HACD2: variants seen among roughly 807,000 people sequenced by gnomAD.
HACD2 encodes the protein 3-hydroxyacyl-CoA dehydratase 2, also known as very-long-chain (3R)-3-hydroxyacyl-CoA dehydratase 2.
In HACD2, 15 loss-of-function variants were observed where a neutral mutation model predicts 31.0. The observed-to-expected ratio is 0.48, with a 90% CI of 0.32 to 0.75. The LOEUF is 0.75. Ranked by LOEUF, HACD2 falls within the 30% of genes least tolerant of loss-of-function variation. The pLI is 0.03. For missense variants in HACD2, 283 were observed against 313.0 expected (o/e 0.90, Z 0.72); for synonymous variants, 115 against 122.2 (o/e 0.94, Z 0.39).
At chr3:123,520,537 T>C (rs774537485) in intron 4 of HACD2, among the ~76,000 whole-genome samples, 4 of 152,352 alleles carry the variant, frequency 2.6e-5, no homozygotes, top group Non-Finnish European at 5.9e-5. Flanking sequence ...AGAATGCAGA[T>C]ACACAGAACA....
chr3:123,535,469 A>G (rs2056414005), intron 3 of HACD2, among the ~76,000 whole-genome samples: 1 of 152,256 alleles, frequency 6.6e-6, no homozygotes, highest in South Asian at 2.1e-4. Flanking sequence ...AGCAGCAACC[A>G]AAAAGCAATA....
intron 1 of HACD2, among the ~76,000 whole-genome samples, chr3:123,583,566 G>A (rs945666121): frequency 4.6e-5 from 7 of 152,034 alleles, no homozygotes; most frequent in African/African-American, 1.7e-4. Flanking sequence ...ATGATCTCAT[G>A]CAAGTCACAA....
chr3:123,569,712 G>C (rs1162783691), intron 2 of HACD2, among the ~76,000 whole-genome samples: 2 of 152,046 alleles, frequency 1.3e-5, no homozygotes, highest in East Asian at 3.9e-4. Flanking sequence ...GACTGGCCAG[G>C]CATGGTGGCT....
intron 3 of HACD2, among the ~76,000 whole-genome samples, chr3:123,548,765 GGT>G (rs1252748994): frequency 6.6e-6 from 1 of 151,740 alleles, no homozygotes; most frequent in Non-Finnish European, 1.5e-5. Context: ...TGGAACCACA[GGT>G]GTGTGTCACC....
At chr3:123,557,742 C>T (rs922918915) in intron 3 of HACD2, among the ~76,000 whole-genome samples, 5 of 152,306 alleles carry the variant, frequency 3.3e-5, no homozygotes, top group African/African-American at 1.2e-4. Flanking sequence ...CCACTACACA[C>T]CTATTAGAAG....
At chr3:123,516,093 A>G (rs931677690) in intron 4 of HACD2, among the ~76,000 whole-genome samples, 2 of 152,114 alleles carry the variant, frequency 1.3e-5, no homozygotes, top group Non-Finnish European at 2.9e-5. Context: ...AATTTTATGT[A>G]TAAAGTGTCC....
At chr3:123,575,040 A>G (rs2107756439) in intron 2 of HACD2, among the ~76,000 whole-genome samples, 1 of 152,310 alleles carries the variant, frequency 6.6e-6, no homozygotes, top group Middle Eastern at 3.4e-3. Flanking sequence ...ACCGTGGTCT[A>G]AAGGCTTATA....
chr3:123,561,266 G>A (rs566152878), intron 3 of HACD2, among the ~76,000 whole-genome samples: 1 of 152,202 alleles, frequency 6.6e-6, no homozygotes, highest in Non-Finnish European at 1.5e-5. Flanking sequence ...TGAATATTAA[G>A]GTGATTATGA....
intron 3 of HACD2, among the ~76,000 whole-genome samples, chr3:123,559,909 T>A (rs1436875067): frequency 6.6e-6 from 1 of 152,190 alleles, no homozygotes; most frequent in African/African-American, 2.4e-5. Flanking sequence ...CCAGGTGGTG[T>A]ATACCTGGGT....
chr3:123,536,864 C>T (rs548188599), intron 3 of HACD2, among the ~76,000 whole-genome samples: 1 of 152,224 alleles, frequency 6.6e-6, no homozygotes, highest in South Asian at 2.1e-4. Context: ...TTCAATACTA[C>T]AATAAGGCAA....
intron 3 of HACD2, among the ~76,000 whole-genome samples, chr3:123,538,047 G>A (rs1412084647): frequency 6.6e-6 from 1 of 152,128 alleles, no homozygotes; most frequent in Non-Finnish European, 1.5e-5. Context: ...GAGAAGGATG[G>A]GATATAAAAC....
intron 5 of HACD2, among the ~76,000 whole-genome samples, chr3:123,502,286 G>A (rs561108934): frequency 6.6e-6 from 1 of 150,570 alleles, no homozygotes; most frequent in East Asian, 1.9e-4. Context: ...ACTTGGTGAT[G>A]AAATTTTTTA....
chr3:123,502,908 G>C (rs1480490868), intron 4 of HACD2: 1 of 460,162 alleles, frequency 2.2e-6, no homozygotes, highest in Non-Finnish European at 3.9e-6. Context: ...CACCAGGAGT[G>C]AGAGCAGCAG....
At chr3:123,580,912 G>C (rs1371439442) in intron 2 of HACD2, among the ~76,000 whole-genome samples, 1 of 141,462 alleles carries the variant, frequency 7.1e-6, no homozygotes, top group Non-Finnish European at 1.5e-5. Flanking sequence ...CTGGAGTACA[G>C]TGGCGTGATC....
chr3:123,529,931 T>C (rs1439073401), intron 3 of HACD2, among the ~76,000 whole-genome samples: 3 of 152,058 alleles, frequency 2.0e-5, no homozygotes, highest in Non-Finnish European at 2.9e-5. Context: ...AAAAATATAT[T>C]GAAGATGGAA....
Position 123,584,992 on chromosome 3 carries a change from C to G in HACD2, c.36G>C (p.Gly12=). 1 of 1,512,740 alleles carries G rather than the reference C, an allele frequency of 6.6e-7. No individual in the cohort carries two copies. Among genetic ancestry groups the G allele is most frequent in the Admixed American group, 2.1e-5 (1 of 48,086 alleles). The allele number at this position is 1,512,740 out of a possible 1,614,324, so 93.7% of individuals were successfully genotyped here. ...CGGCCCTGCCACCGCCGCCCCCATT[C>G]CCCTTCGCTGCTGCAGTCGCCGCCA... ...AAVAATAAAK[G]NGGGGGRAGA... Residue 12 remains glycine (G), a synonymous_variant, in exon 1 of 7, where the codon GGG becomes GGC. Coordinates refer to ENST00000383657, the MANE Select transcript of HACD2 (RefSeq NM_198402.5).
chr3:123,561,080 C>CG (rs557882685), intron 3 of HACD2, among the ~76,000 whole-genome samples: 133 of 151,974 alleles, frequency 8.8e-4, no homozygotes, highest in Middle Eastern at 3.4e-3. Flanking sequence ...CTCAAAGTAG[C>CG]GGGGGGGCAG....
At chr3:123,573,727 G>A (rs2056879109) in intron 2 of HACD2, among the ~76,000 whole-genome samples, 1 of 152,116 alleles carries the variant, frequency 6.6e-6, no homozygotes, top group African/African-American at 2.4e-5. Flanking sequence ...AAGGGTGTTG[G>A]TTATTCACTG....
chr3:123,492,699 C>T lies in HACD2; in HGVS notation c.*2189G>A, dbSNP rs1430858909. ...AGTGACAAATTATAATAAGGAGGCC[C>T]AAATAAAACCCCCAGTCCAGCAACC... On this transcript the variant is annotated 3_prime_UTR_variant, in exon 7 of 7. Transcript: ENST00000383657. 1 of 152,086 alleles carries T rather than the reference C, an allele frequency of 6.6e-6. No homozygotes were observed. Among genetic ancestry groups the T allele is most frequent in the South Asian group, 2.1e-4 (1 of 4,820 alleles). The allele number at this position is 152,086 out of a possible 1,614,324, so 9.4% of individuals were successfully genotyped here.
Sources: allele counts gnomAD v4.1 joint callset (sites outside exome capture counted in the v4.1 genomes callset), GRCh38; gene constraint gnomAD v4.1.1; transcripts MANE v1.5; gene names NCBI Gene and HGNC (gene_info 2026-07-23, HGNC 2026-07-21).